Variants in WIPF3 observed in about 807,000 individuals in gnomAD.
WIPF3 encodes the protein WAS/WASL-interacting protein family member 3.
In WIPF3, 33 loss-of-function variants were observed where a neutral mutation model predicts 38.9. The ratio of observed to expected loss-of-function variants is 0.85; its 90% CI spans 0.64 to 1.14. The LOEUF (loss-of-function observed/expected upper bound fraction) is 1.14, where lower values mean the gene tolerates loss of function less well. Among genes scored for constraint, WIPF3 ranks in the 50% most tolerant of loss-of-function variants. WIPF3 has a pLI of 0.00. For synonymous variants in WIPF3, 324 were observed against 269.3 expected, an observed-to-expected ratio of 1.20 and a Z score of -1.99; for missense variants, 711 against 652.5, an observed-to-expected ratio of 1.09 and a Z score of -0.98.
At chr7:29,860,036 G>T (rs907532365) in intron 2 of WIPF3, among the ~76,000 whole-genome samples, 1 of 152,150 alleles carries the variant, frequency 6.6e-6, no homozygotes, top group Non-Finnish European at 1.5e-5. Flanking sequence ...GTGTGTGGGT[G>T]GGTAGAAACA....
chr7:29,840,072 T>C (rs1784889811), intron 2 of WIPF3, among the ~76,000 whole-genome samples: 1 of 152,204 alleles, frequency 6.6e-6, no homozygotes, highest in South Asian at 2.1e-4. Flanking sequence ...CCTGGCCCCT[T>C]CCAAGAGAAG....
chr7:29,823,930 C>A lies in WIPF3; in HGVS notation c.-57-10738C>A, dbSNP rs1159678270. 6.6e-6 allele frequency among the ~76,000 whole-genome samples: 1 copy of A among 152,198 alleles called. No homozygotes were observed. The highest frequency in any genetic ancestry group is 2.4e-5 in the African/African-American group (1 of 41,448). ...GCCGTTATGCTTCCTGTACAGCCTG[C>A]AGAACTGTGAGCCAATTAAACCTCT... On this transcript the variant is annotated intron_variant, in intron 1 of 8. Transcript: ENST00000242140. The surrounding 1 kb of genome is among the most constrained non-coding windows in gnomAD (Gnocchi z 4.0).
intron 6 of WIPF3, among the ~76,000 whole-genome samples, chr7:29,888,510 C>CGTGTGTGTGT (rs1295673715): frequency 2.8e-4 from 42 of 147,908 alleles, no homozygotes; most frequent in South Asian, 8.7e-4. Flanking sequence ...CGTGTGTGTG[C>CGTGTGTGTGT]GTGTGTGTGT....
intron 1 of WIPF3, among the ~76,000 whole-genome samples, chr7:29,831,290 C>T (rs547334894): frequency 6.6e-6 from 1 of 152,284 alleles, no homozygotes; most frequent in African/African-American, 2.4e-5. Context: ...ACTCCTAGTG[C>T]CGTTGGCCAT....
At position 29,914,532 on chromosome 7, in the gene WIPF3, GA is replaced by G; in HGVS notation, c.*18del. The G allele has an allele frequency of 6.6e-7, 1 of 1,515,704 alleles. No individual in the cohort carries two copies. Among genetic ancestry groups the G allele is most frequent in the Non-Finnish European group, 8.9e-7 (1 of 1,129,220 alleles). 93.9% of individuals were successfully genotyped at this position (1,515,704 alleles called of 1,614,324 possible). ...TCTTCGGTGAGAAGACAGATGAAGC[GA>G]AGGTCCTGGGGTTCCAGGTTGCAGA... is the stretch of plus-strand genomic sequence containing the variant. On this transcript the variant is annotated 3_prime_UTR_variant, in exon 9 of 9. Coordinates refer to ENST00000242140, the MANE Select transcript of WIPF3 (RefSeq NM_001080529.3).
Position 29,851,990 on chromosome 7 carries a change from T to A in WIPF3, c.90+17176T>A, listed in dbSNP as rs188783251. ...TTTATTTTAATTTTACTTATTTTTA[T>A]TTTTTTAATTTTTTAATTTTTAATT... On this transcript the variant is annotated intron_variant, in intron 2 of 8. Coordinates refer to ENST00000242140, the MANE Select transcript of WIPF3 (RefSeq NM_001080529.3). Among the ~76,000 whole-genome samples, 401 of 152,158 alleles carry A rather than the reference T, an allele frequency of 2.6e-3. 6 individuals carry two copies. Among genetic ancestry groups the A allele is most frequent in the African/African-American group, 9.1e-3 (380 of 41,544 alleles).
At chr7:29,814,223 A>G (rs899608371) in intron 1 of WIPF3, among the ~76,000 whole-genome samples, 1 of 152,182 alleles carries the variant, frequency 6.6e-6, no homozygotes, top group African/African-American at 2.4e-5. Context: ...GATTACTCAT[A>G]TATTGGAACT....
At chr7:29,889,158 G>T (rs761597073) in intron 6 of WIPF3, 148 bp from the exon 7 acceptor site, 5 of 654,266 alleles carry the variant, frequency 7.6e-6, no homozygotes, top group Non-Finnish European at 1.4e-5. Context: ...GTCTTAGGGA[G>T]AATGGCCCTG....
In WIPF3 at chr7:29,828,513, G is replaced by C. The variant is rs182425092; in HGVS notation, c.-57-6155G>C. Among the ~76,000 whole-genome samples, 803 of 152,256 alleles carry C rather than the reference G, an allele frequency of 5.3e-3. 5 individuals carry two copies. Among genetic ancestry groups the C allele is most frequent in the African/African-American group, 0.018 (740 of 41,536 alleles). On this transcript the variant is annotated intron_variant, in intron 1 of 8. Coordinates refer to ENST00000242140, the MANE Select transcript of WIPF3 (RefSeq NM_001080529.3). ...CTGTGGCCCACTGGCTTTTAAAAAT[G>C]CTTTTTAAATTACATACCCAGATTT...
intron 7 of WIPF3, among the ~76,000 whole-genome samples, chr7:29,899,492 G>C (rs1344642304): frequency 1.3e-5 from 2 of 152,140 alleles, no homozygotes; most frequent in Admixed American, 6.5e-5. Flanking sequence ...TTATTCACTG[G>C]CTTATTTCCA....
At chr7:29,827,498 C>T (rs141436532) in intron 1 of WIPF3, among the ~76,000 whole-genome samples, 271 of 152,194 alleles carry the variant, frequency 1.8e-3, no homozygotes, top group Middle Eastern at 6.8e-3. Flanking sequence ...CTTGTTTGCA[C>T]GTGGGCTTGT....
At chr7:29,877,410 T>A (rs1227804552) in intron 3 of WIPF3, among the ~76,000 whole-genome samples, 1 of 152,260 alleles carries the variant, frequency 6.6e-6, no homozygotes. Context: ...CGCAGGAGAC[T>A]GAAAGCCTGC....
chr7:29,884,143 C>A lies in WIPF3; in HGVS notation c.649C>A (p.Pro217Thr), dbSNP rs780259388. 17 of 1,524,316 alleles carry A rather than the reference C, an allele frequency of 1.1e-5. No individual in the cohort carries two copies. Among genetic ancestry groups the A allele is most frequent in the South Asian group, 2.5e-5 (2 of 81,034 alleles). The allele number at this position is 1,524,316 out of a possible 1,614,324, so 94.4% of individuals were successfully genotyped here. ...CAAAGGGAACCTCCCGGTGGTTGCA[C>A]CCCCCGTCCCCTGTGCGCCACCACC... ...LTKGNLPVVAPPVPCAPPPPP... is the reference protein window; with the variant it reads ...LTKGNLPVVATPVPCAPPPPP... Residue 217 changes from proline to threonine, a missense_variant, in exon 5 of 9, where the codon CCC becomes ACC. Coordinates refer to ENST00000242140, the MANE Select transcript of WIPF3 (RefSeq NM_001080529.3).
At chr7:29,912,448 A>C (rs377449740) in intron 8 of WIPF3, 55 of 159,376 alleles carry the variant, frequency 3.5e-4, no homozygotes, top group Admixed American at 3.7e-4. Flanking sequence ...AAGAACCTAA[A>C]GCAGAGCCTG....
intron 2 of WIPF3, among the ~76,000 whole-genome samples, chr7:29,840,766 A>G (rs1784900232): frequency 6.6e-6 from 1 of 152,172 alleles, no homozygotes. Context: ...CAAATACAAC[A>G]TGGGCAAGAG....
At chr7:29,808,252 A>T (rs909249201) in intron 1 of WIPF3, among the ~76,000 whole-genome samples, 1 of 152,236 alleles carries the variant, frequency 6.6e-6, no homozygotes, top group East Asian at 1.9e-4. Flanking sequence ...TCAAAGATAC[A>T]TTTAAAAACC....
chr7:29,899,161 G>A (rs1417457168), intron 7 of WIPF3, among the ~76,000 whole-genome samples: 1 of 152,036 alleles, frequency 6.6e-6, no homozygotes, highest in Non-Finnish European at 1.5e-5. Context: ...CCATCATGAG[G>A]GTCCCATCCT....
intron 1 of WIPF3, among the ~76,000 whole-genome samples, chr7:29,810,037 CTG>C (rs1196456358): frequency 1.3e-5 from 2 of 152,138 alleles, no homozygotes; most frequent in African/African-American, 4.8e-5. Flanking sequence ...GGACGTGTGT[CTG>C]TGTGAGTGCA....
intron 2 of WIPF3, among the ~76,000 whole-genome samples, chr7:29,854,758 A>G (rs1785161457): frequency 6.6e-6 from 1 of 152,204 alleles, no homozygotes; most frequent in Non-Finnish European, 1.5e-5. Context: ...GCCAAATTCC[A>G]ATGTCGAAAT....
Sources: allele counts gnomAD v4.1 joint callset (sites outside exome capture counted in the v4.1 genomes callset), GRCh38; gene constraint gnomAD v4.1.1; non-coding constraint Gnocchi (gnomAD v3.1); transcripts MANE v1.5; gene names NCBI Gene and HGNC (gene_info 2026-07-23, HGNC 2026-07-21).